KPNA7: variants seen among roughly 807,000 people sequenced by gnomAD.
KPNA7 encodes karyopherin subunit alpha 7.
In KPNA7, 54 loss-of-function variants were observed where a neutral mutation model predicts 53.7. The ratio of observed to expected loss-of-function variants is 1.01; its 90% CI spans 0.81 to 1.26. KPNA7 has a LOEUF of 1.26. Ranked by LOEUF, KPNA7 falls within the 50% of genes most tolerant of loss-of-function variation. The probability of loss-of-function intolerance (pLI) is 0.00; values close to 1 mark genes in which losing one functional copy is unlikely to be tolerated. For missense variants in KPNA7, 640 were observed against 644.5 expected (o/e 0.99, Z 0.07); for synonymous variants, 276 against 259.3 (o/e 1.06, Z -0.62).
the KPNA7 span, among the ~76,000 whole-genome samples, chr7:99,151,722 G>T: frequency 6.6e-6 from 1 of 151,974 alleles, no homozygotes; most frequent in South Asian, 2.1e-4. Context: ...CTCCCAAAGT[G>T]CTGGGATTAT....
chr7:99,154,128 C>G, the KPNA7 span, among the ~76,000 whole-genome samples: 3 of 151,020 alleles, frequency 2.0e-5, no homozygotes, highest in Non-Finnish European at 4.4e-5. Flanking sequence ...GAGAATAGCT[C>G]ACACACTTTT....
chr7:99,203,123 T>C lies in KPNA7; in HGVS notation c.184A>G (p.Thr62Ala), dbSNP rs749441721. 3.0e-5 allele frequency: 46 copies of C among 1,551,500 alleles called. 1 individual carries two copies. The South Asian group carries it at 5.4e-4, about 18-fold the overall frequency. The change falls in exon 3 of 11, where the codon ACA becomes GCA. Residue 62 changes from threonine (T) to alanine (A), a missense_variant. By Grantham distance (58) the Thr-to-Ala change is moderately conservative (BLOSUM62 0). Transcript: ENST00000327442. ...ATACTGACCGCCACCCCTTTGGCTG[T>C]TTTTTCAGAAGGTGTGTCAGGGCAG... The part of the protein sequence containing the change: ...SFCPDTPSEK[T>A]AKGVAVSLTL...
intron 8 of KPNA7, among the ~76,000 whole-genome samples, chr7:99,184,006 C>A (rs1338869229): frequency 6.6e-6 from 1 of 152,054 alleles, no homozygotes; most frequent in East Asian, 1.9e-4. Context: ...CACCACCACA[C>A]CTGGCTAATT....
At chr7:99,218,836 G>A (rs544896108) in intron 1 of KPNA7, among the ~76,000 whole-genome samples, 14 of 152,316 alleles carry the variant, frequency 9.2e-5, no homozygotes, top group South Asian at 4.1e-4. Context: ...CTCATTACCC[G>A]TACAAGAGCA....
chr7:99,203,842 C>T (rs1353330976), intron 2 of KPNA7, among the ~76,000 whole-genome samples: 1 of 152,116 alleles, frequency 6.6e-6, no homozygotes, highest in Non-Finnish European at 1.5e-5. Context: ...TCCCAAGTAG[C>T]TGGGATTACA....
the KPNA7 span, among the ~76,000 whole-genome samples, chr7:99,146,554 A>G: frequency 6.6e-6 from 1 of 151,946 alleles, no homozygotes; most frequent in African/African-American, 2.4e-5. Context: ...TCAACTAAAA[A>G]TACAAAAGTT....
At chr7:99,199,956 T>C (rs1790427315) in intron 3 of KPNA7, among the ~76,000 whole-genome samples, 1 of 152,208 alleles carries the variant, frequency 6.6e-6, no homozygotes, top group African/African-American at 2.4e-5. Flanking sequence ...AGTCTCGCTC[T>C]CTTACTCAGG....
At chr7:99,192,562 G>C (rs1210762846) in intron 6 of KPNA7, among the ~76,000 whole-genome samples, 1 of 152,082 alleles carries the variant, frequency 6.6e-6, no homozygotes, top group African/African-American at 2.4e-5. Flanking sequence ...ACAGGTGTAC[G>C]CTACCATGCT....
chr7:99,159,348 C>CAAAA, the KPNA7 span, among the ~76,000 whole-genome samples: 2 of 58,164 alleles, frequency 3.4e-5, no homozygotes, highest in African/African-American at 1.2e-4. Context: ...GACACTGTCT[C>CAAAA]AAAAAAAAAA....
At chr7:99,204,332 A>G (rs1373000895) in intron 2 of KPNA7, among the ~76,000 whole-genome samples, 1 of 151,802 alleles carries the variant, frequency 6.6e-6, no homozygotes, top group Non-Finnish European at 1.5e-5. Flanking sequence ...CGATTGTACC[A>G]CTGCACTCCA....
Position 99,185,001 on chromosome 7 carries a change from C to A in KPNA7, c.1062G>T (p.Ala354=). The change falls in exon 8 of 11, where the codon GCG becomes GCT. Residue 354 remains alanine, a synonymous_variant. Transcript: ENST00000327442. ...EAAWALSNVA[A]GPCHHIQQLL... ...GCTGCTGGATGTGGTGACAAGGCCC[C>A]GCTGCTACGTTGCTCAGGGCCCAGG... 6.4e-7 allele frequency: 1 copy of A among 1,551,884 alleles called. No homozygotes were observed.
intron 1 of KPNA7, among the ~76,000 whole-genome samples, chr7:99,215,307 G>C (rs559224462): frequency 2.1e-5 from 3 of 141,976 alleles, no homozygotes; most frequent in Admixed American, 7.9e-5. Context: ...GGGAGGCAGA[G>C]GTTGCAGTGA....
At chr7:99,181,688 C>T (rs564928454) in intron 9 of KPNA7, among the ~76,000 whole-genome samples, 195 bp downstream of exon 9, 428 of 152,268 alleles carry the variant, frequency 2.8e-3, no homozygotes, top group South Asian at 6.2e-3. Context: ...AGCTGGGATA[C>T]AGGCATGCAC....
intron 3 of KPNA7, among the ~76,000 whole-genome samples, chr7:99,197,020 AAACAACAACAAC>A (rs139221110): frequency 0.079 from 11,964 of 150,988 alleles, 509 homozygotes; most frequent in South Asian, 0.15. Context: ...ATATGCTTAA[AAACAACAACAAC>A]AACAACAACA....
chr7:99,149,808 A>G, the KPNA7 span, among the ~76,000 whole-genome samples: 3 of 152,074 alleles, frequency 2.0e-5, no homozygotes, highest in Non-Finnish European at 4.4e-5. Context: ...TGTTTTCCAG[A>G]TGGAGTCTTG....
chr7:99,165,659 C>T, the KPNA7 span, among the ~76,000 whole-genome samples: 5 of 152,322 alleles, frequency 3.3e-5, no homozygotes, highest in East Asian at 9.6e-4. Context: ...CAAAGACCTG[C>T]TTTGGGCATG....
In KPNA7 at chr7:99,181,977, T is replaced by C; in HGVS notation, c.1223A>G (p.His408Arg). ...CACCAGTGGCTCCAGGACCCCAGAG[T>C]GGACGAGCTGGATCAGCTGATCCAT... Reference protein sequence around the residue: ...ATMDQLIQLVHSGVLEPLVNL... With the variant: ...ATMDQLIQLVRSGVLEPLVNL... The change falls in exon 9 of 11, where the codon CAC (histidine) becomes CGC (arginine). Residue 408 changes from histidine to arginine, a missense_variant. Transcript: ENST00000327442. 1 of 1,551,256 alleles carries C rather than the reference T, an allele frequency of 6.4e-7. No individual in the cohort carries two copies. Among genetic ancestry groups the C allele is most frequent in the South Asian group, 1.2e-5 (1 of 84,030 alleles).
At chr7:99,162,611 G>C in the KPNA7 span, among the ~76,000 whole-genome samples, 1 of 152,032 alleles carries the variant, frequency 6.6e-6, no homozygotes, top group African/African-American at 2.4e-5. Context: ...GTCAGTATTA[G>C]TATCTTCAAA....
chr7:99,160,797 C>T, the KPNA7 span, among the ~76,000 whole-genome samples: 4 of 152,224 alleles, frequency 2.6e-5, no homozygotes, highest in South Asian at 2.1e-4. Flanking sequence ...TGACCTCTGT[C>T]TTCTGGTCTT....
Sources: gnomAD v4.1 joint callset for allele counts (sites outside exome capture counted in the v4.1 genomes callset) on GRCh38, gnomAD v4.1.1 for gene constraint, MANE v1.5 for transcripts, NCBI Gene and HGNC (gene_info 2026-07-23, HGNC 2026-07-21) for gene names.